The following EPB41L4A variants were observed in gnomAD, a reference collection of about 807,000 sequenced individuals.
EPB41L4A encodes band 4.1-like protein 4A.
Under a neutral mutation model 108.6 loss-of-function variants are expected in EPB41L4A, and 100 were observed. The ratio of observed to expected loss-of-function variants is 0.92; its 90% confidence interval spans 0.78 to 1.09. The LOEUF (loss-of-function observed/expected upper bound fraction) is 1.09, where lower values mean the gene tolerates loss of function less well. Ranked by LOEUF, EPB41L4A falls within the 50% of genes least tolerant of loss-of-function variation. The probability of loss-of-function intolerance (pLI) is 0.00; values close to 1 mark genes in which losing one functional copy is unlikely to be tolerated. For missense variants in EPB41L4A, 1,030 were observed against 842.7 expected, an observed-to-expected ratio of 1.22 and a Z score of -2.75; for synonymous variants, 319 against 289.0, an observed-to-expected ratio of 1.10 and a Z score of -1.05.
intron 17 of EPB41L4A, among the ~76,000 whole-genome samples, chr5:112,186,659 AC>A (rs1315355067): frequency 6.6e-6 from 1 of 152,234 alleles, no homozygotes; most frequent in African/African-American, 2.4e-5. Flanking sequence ...TTGGAGAGTC[AC>A]AACAGAAGCA....
chr5:112,182,023 G>C (rs1158222201), intron 18 of EPB41L4A, among the ~76,000 whole-genome samples: 1 of 151,648 alleles, frequency 6.6e-6, no homozygotes, highest in Non-Finnish European at 1.5e-5. Flanking sequence ...CAGTGAGCCA[G>C]GATTGGGCCA....
chr5:112,208,915 T>C (rs747833264), intron 13 of EPB41L4A, among the ~76,000 whole-genome samples: 18 of 152,072 alleles, frequency 1.2e-4, no homozygotes, highest in Admixed American at 6.5e-4. Context: ...TACAGTAAAC[T>C]AAAGTTATGC....
At chr5:112,170,693 A>G (rs745357700) in intron 19 of EPB41L4A, among the ~76,000 whole-genome samples, 2 of 152,064 alleles carry the variant, frequency 1.3e-5, no homozygotes, top group Non-Finnish European at 2.9e-5. Context: ...TTTGTAAACT[A>G]TTGGCCTGTC....
At chr5:112,270,236 C>T (rs13184442) in intron 4 of EPB41L4A, among the ~76,000 whole-genome samples, 9,086 of 152,108 alleles carry the variant, frequency 0.06, 327 homozygotes, top group Non-Finnish European at 0.075. Context: ...GACTTAAGAC[C>T]CTGCTGAGAA....
chr5:112,204,087 A>G (rs1486365119), intron 15 of EPB41L4A, among the ~76,000 whole-genome samples: 1 of 150,636 alleles, frequency 6.6e-6, no homozygotes, highest in Non-Finnish European at 1.5e-5. Context: ...ACTATATATA[A>G]TACATATTTT....
At chr5:112,320,154 T>C (rs1325511466) in intron 1 of EPB41L4A, among the ~76,000 whole-genome samples, 4 of 152,182 alleles carry the variant, frequency 2.6e-5, no homozygotes, top group Non-Finnish European at 5.9e-5. Context: ...TTCCACCCAA[T>C]AGAACTCTCT....
intron 9 of EPB41L4A, among the ~76,000 whole-genome samples, chr5:112,242,840 T>C (rs923126936): frequency 6.6e-6 from 1 of 152,202 alleles, no homozygotes; most frequent in Admixed American, 6.5e-5. Flanking sequence ...AGTAACTAGG[T>C]GCACTGTCAA....
Position 112,204,464 on chromosome 5 carries a change from A to G in EPB41L4A, c.1287T>C (p.Asp429=), listed in dbSNP as rs1245511883. 2.5e-6 allele frequency: 4 copies of G among 1,613,338 alleles called. No individual in the cohort carries two copies. The highest frequency in any genetic ancestry group is 3.4e-6 in the Non-Finnish European group (4 of 1,179,488). ...AAGGGAACTTTGGCGACTTAGTGCGATCACTGGGAGAATTGTAGAGTCCAC... is the reference window on the plus strand; with the variant it reads ...AAGGGAACTTTGGCGACTTAGTGCGGTCACTGGGAGAATTGTAGAGTCCAC... ...PQSGLYNSPS[D]RTKSPKFPYT... Residue 429 remains aspartate (D), a synonymous_variant, in exon 15 of 23, where the codon GAT becomes GAC. Coordinates refer to ENST00000261486, the MANE Select transcript of EPB41L4A (RefSeq NM_022140.5).
chr5:112,324,666 G>T (rs1444266328), intron 1 of EPB41L4A, among the ~76,000 whole-genome samples: 1 of 145,880 alleles, frequency 6.9e-6, no homozygotes, highest in Non-Finnish European at 1.5e-5. Flanking sequence ...AAGTTGCAGT[G>T]AGCCGAGATC....
chr5:112,260,012 A>G (rs774541942), intron 7 of EPB41L4A, 33 bp from the exon 8 acceptor site: 10 of 1,403,424 alleles, frequency 7.1e-6, no homozygotes, highest in South Asian at 2.3e-5. Context: ...ATAACCACAT[A>G]TTCACATAAA....
intron 2 of EPB41L4A, among the ~76,000 whole-genome samples, chr5:112,294,591 T>C (rs977353776): frequency 6.6e-6 from 1 of 151,828 alleles, no homozygotes; most frequent in South Asian, 2.1e-4. Context: ...CACCACACTC[T>C]GTGGATGGTA....
intron 1 of EPB41L4A, among the ~76,000 whole-genome samples, chr5:112,403,071 A>G (rs73214270): frequency 0.095 from 14,466 of 152,006 alleles, 2,242 homozygotes; most frequent in African/African-American, 0.32. Context: ...TTTTTAACCC[A>G]AAAACATATG....
chr5:112,240,774 T>C lies in EPB41L4A; in HGVS notation c.832A>G (p.Lys278Glu), dbSNP rs780455699. The change falls in exon 10 of 23, where the codon AAA (lysine) becomes GAA (glutamate). Residue 278 changes from lysine to glutamate, a missense_variant. Transcript: ENST00000261486. ...TTCCAGAGGTGCTTGCAAGCAGTTT[T>C]ACTCCGAGCTTCAAAAAAGAATGAG... The part of the protein sequence containing the change: ...ETSFFFEARS[K>E]TACKHLWKCS... 16 of 1,590,316 alleles carry C rather than the reference T, an allele frequency of 1.0e-5. No individual in the cohort carries two copies. In the African/African-American group the frequency reaches 1.8e-4, roughly 18 times the overall value.
chr5:112,227,356 G>A (rs1036161554), intron 12 of EPB41L4A, among the ~76,000 whole-genome samples: 1 of 152,130 alleles, frequency 6.6e-6, no homozygotes, highest in African/African-American at 2.4e-5. Flanking sequence ...GACATTGACA[G>A]ATGGATTCAC....
intron 1 of EPB41L4A, among the ~76,000 whole-genome samples, chr5:112,410,299 TA>T (rs1762332719): frequency 6.6e-6 from 1 of 152,104 alleles, no homozygotes; most frequent in Non-Finnish European, 1.5e-5. Context: ...CACTCGCAGC[TA>T]GGAATTTAAC....
chr5:112,207,086 T>C (rs556876952), intron 13 of EPB41L4A: 4 of 152,132 alleles, frequency 2.6e-5, no homozygotes, highest in African/African-American at 9.6e-5. Flanking sequence ...GTACAAAAAC[T>C]GACAAAAAGA....
chr5:112,193,630 A>T (rs1364053288), intron 17 of EPB41L4A, among the ~76,000 whole-genome samples: 1 of 152,190 alleles, frequency 6.6e-6, no homozygotes, highest in Non-Finnish European at 1.5e-5. Context: ...GAAAAAAATT[A>T]CCCAGAAAAG....
At chr5:112,383,418 C>T (rs1264932655) in intron 1 of EPB41L4A, among the ~76,000 whole-genome samples, 2 of 152,142 alleles carry the variant, frequency 1.3e-5, no homozygotes, top group Admixed American at 6.5e-5. Context: ...TGACAAAAGA[C>T]CGTAAAACTG....
chr5:112,171,445 G>T (rs1421385323), intron 18 of EPB41L4A, among the ~76,000 whole-genome samples: 1 of 152,228 alleles, frequency 6.6e-6, no homozygotes, highest in African/African-American at 2.4e-5. Flanking sequence ...GGATGGCCCT[G>T]ATGGCAGACT....
Sources: gnomAD v4.1 joint callset for allele counts (sites outside exome capture counted in the v4.1 genomes callset) on GRCh38, gnomAD v4.1.1 for gene constraint, MANE v1.5 for transcripts, NCBI Gene and HGNC (gene_info 2026-07-23, HGNC 2026-07-21) for gene names.